The following LAMB3 variants were observed in gnomAD, a reference collection of about 807,000 sequenced individuals.
LAMB3 encodes the protein laminin subunit beta 3.
Under a neutral mutation model 140.3 loss-of-function variants are expected in LAMB3, and 104 were observed. The ratio of observed to expected loss-of-function variants is 0.74; its 90% CI spans 0.63 to 0.87. The LOEUF is 0.87. Among genes scored for constraint, LAMB3 ranks in the 40% least tolerant of loss-of-function variants. The probability of loss-of-function intolerance (pLI) is 0.00; values close to 1 mark genes in which losing one functional copy is unlikely to be tolerated. For missense variants in LAMB3, 1,531 were observed against 1,575.2 expected (o/e 0.97, Z 0.47); for synonymous variants, 592 against 602.9 (o/e 0.98, Z 0.26).
Position 209,617,468 on chromosome 1 carries a change from G to C in LAMB3, c.3170C>G (p.Ala1057Gly). 2.5e-6 allele frequency: 4 copies of C among 1,613,612 alleles called. No individual in the cohort carries two copies. The highest frequency in any genetic ancestry group is 3.4e-6 in the Non-Finnish European group (4 of 1,180,050). The change falls in exon 21 of 23, where the codon GCA becomes GGA. Residue 1057 changes from alanine (A) to glycine (G), a missense_variant. Coordinates refer to ENST00000356082, the MANE Select transcript of LAMB3 (RefSeq NM_000228.3). ...RHQARQQGAEAVQAQQLAEGA... is the reference protein window; with the variant it reads ...RHQARQQGAEGVQAQQLAEGA... ...TTCCGCAAGCTGCTGGGCCTGGACT[G>C]CCTCTGCCCCCTGCTGCCGGGCTTG...
chr1:209,632,059 C>A (rs1399558347), intron 8 of LAMB3, among the ~76,000 whole-genome samples: 1 of 152,216 alleles, frequency 6.6e-6, no homozygotes, highest in Non-Finnish European at 1.5e-5. Context: ...GTCTCAAACC[C>A]CATCCCTGCT....
At chr1:209,632,211 C>T (rs1425070150) in intron 8 of LAMB3, among the ~76,000 whole-genome samples, 1 of 152,168 alleles carries the variant, frequency 6.6e-6, no homozygotes, top group Admixed American at 6.5e-5. Flanking sequence ...ATTCGAGTCA[C>T]CTGGGAGCTT....
chr1:209,623,418 GC>G lies in LAMB3; in HGVS notation c.2358+86del, dbSNP rs773565422. The stretch of plus-strand genomic sequence containing the variant: ...GTGGGGTTCTCACAGGGGCAGATCT[GC>G]CCTAATAGGAAGCAGGTGGCAGCAG... On this transcript the variant is annotated intron_variant, in intron 16 of 22. Transcript: ENST00000356082. This position sits in a 1 kb window ranked among gnomAD's most constrained non-coding sequence, Gnocchi z 4.2. 1 of 1,332,392 alleles carries G rather than the reference GC, an allele frequency of 7.5e-7. No individual in the cohort carries two copies. Among genetic ancestry groups the G allele is most frequent in the Admixed American group, 1.7e-5 (1 of 58,722 alleles). The allele number at this position is 1,332,392 out of a possible 1,614,324, so 82.5% of individuals were successfully genotyped here.
At position 209,650,927 on chromosome 1, in the gene LAMB3, G is replaced by C. The variant is rs2102467698; in HGVS notation, c.18C>G (p.Leu6=). Residue 6 remains leucine (L), a synonymous_variant, in exon 2 of 23, where the codon CTC becomes CTG. Transcript: ENST00000356082. The part of the protein sequence containing the change: MRPFF[L]LCFALPGLLH... The stretch of plus-strand genomic sequence containing the variant: ...GGAAGGGGTACTTACCAAAACACAA[G>C]AGGAAGAATGGTCTCATCTTCAGCC... 1 of 1,614,182 alleles carries C rather than the reference G, an allele frequency of 6.2e-7. No individual in the cohort carries two copies. The highest frequency in any genetic ancestry group is 8.5e-7 in the Non-Finnish European group (1 of 1,180,004).
intron 10 of LAMB3, 85 bp from the exon 11 acceptor site, chr1:209,628,275 A>T: frequency 6.9e-7 from 1 of 1,456,330 alleles, no homozygotes. Flanking sequence ...GCCTGGTTCA[A>T]ATCCTTGTTC....
chr1:209,617,425 T>G lies in LAMB3; in HGVS notation c.3213A>C (p.Ala1071=). The change falls in exon 21 of 23, where the codon GCA becomes GCC. Residue 1071 remains alanine, a synonymous_variant. Transcript: ENST00000356082. ...TTCTCTGTACCTCTTGGGCACTCAA[T>G]GCCTGCTCGCTGGCACCTTCCGCAA... ...QQLAEGASEQ[A]LSAQEGFERI... 1 of 1,612,760 alleles carries G rather than the reference T, an allele frequency of 6.2e-7. No individual in the cohort carries two copies. Among genetic ancestry groups the G allele is most frequent in the Non-Finnish European group, 8.5e-7 (1 of 1,180,038 alleles).
At chr1:209,637,057 C>G (rs1666918556) in intron 5 of LAMB3, among the ~76,000 whole-genome samples, 1 of 152,218 alleles carries the variant, frequency 6.6e-6, no homozygotes. Context: ...AGTGAGGAGA[C>G]TATTTAACAC....
intron 9 of LAMB3, among the ~76,000 whole-genome samples, chr1:209,630,223 C>A (rs2102429642): frequency 6.6e-6 from 1 of 152,310 alleles, no homozygotes; most frequent in Non-Finnish European, 1.5e-5. Context: ...CCAACCCTCC[C>A]ACTGCCAACA....
At chr1:209,630,496 A>G (rs954536820) in intron 9 of LAMB3, 119 bp downstream of exon 9, 1 of 1,143,652 alleles carries the variant, frequency 8.7e-7, no homozygotes, top group Non-Finnish European at 1.3e-6. Context: ...GGTGCAATTC[A>G]GTTTAGATTT....
Position 209,615,169 on chromosome 1 carries a change from G to A in LAMB3, c.*102C>T, listed in dbSNP as rs2566. On this transcript the variant is annotated 3_prime_UTR_variant, in exon 23 of 23. Coordinates refer to ENST00000356082, the MANE Select transcript of LAMB3 (RefSeq NM_000228.3). The stretch of plus-strand genomic sequence containing the variant: ...GGTGGTCCAGGCTGTACTTTAGGCT[G>A]CATGAAAGTCTCCTGGAGATGGAAA... The A allele has an allele frequency of 0.28, 408,751 of 1,486,242 alleles. 57,455 individuals carry two copies. The highest frequency in any genetic ancestry group is 0.4 in the Admixed American group (23,366 of 58,948). The allele number at this position is 1,486,242 out of a possible 1,614,324, so 92.1% of individuals were successfully genotyped here. A position where few individuals can be genotyped will look rare whatever the true frequency, so the allele number is the denominator to read the frequency against.
intron 9 of LAMB3, 28 bp from the exon 10 acceptor site, chr1:209,629,953 A>G (rs1367448097): frequency 6.2e-7 from 1 of 1,607,716 alleles, no homozygotes; most frequent in Admixed American, 1.7e-5. Context: ...CAGGGCTGAC[A>G]TCTGACCCAC....
chr1:209,630,475 TGAATTG>T, intron 9 of LAMB3, 134 bp downstream of exon 9: 1 of 987,296 alleles, frequency 1.0e-6, no homozygotes. Context: ...CAGGAGAGCT[TGAATTG>T]TAATGGTGCA....
In LAMB3 at chr1:209,626,151, G is replaced by A. The variant is rs551179555; in HGVS notation, c.1598-125C>T. The A allele has an allele frequency of 7.0e-5, 74 of 1,062,694 alleles. No individual in the cohort carries two copies. In the Admixed American group the frequency reaches 1.3e-3, roughly 19 times the overall value. The allele number at this position is 1,062,694 out of a possible 1,614,324, so 65.8% of individuals were successfully genotyped here. A position where few individuals can be genotyped will look rare whatever the true frequency, so the allele number is the denominator to read the frequency against. On this transcript the variant is annotated intron_variant, in intron 13 of 22. Transcript: ENST00000356082. The stretch of plus-strand genomic sequence containing the variant: ...TACATGACTTAGAATAACAGAAGTC[G>A]CAGCCAGAATAAAAGCCATGGTAAC...
At chr1:209,629,691 G>C (rs201464669) in intron 10 of LAMB3, 46 bp downstream of exon 10, 261 of 1,561,892 alleles carry the variant, frequency 1.7e-4, no homozygotes, top group Non-Finnish European at 2.2e-4. Context: ...AGGAGATGGG[G>C]AGTAACAGAC....
chr1:209,629,621 A>C (rs1666599898), intron 10 of LAMB3, 116 bp downstream of exon 10: 3 of 994,196 alleles, frequency 3.0e-6, no homozygotes. Context: ...CTCACAGCCA[A>C]GTTTTCATGC....
rs894284443 is a variant in LAMB3, at chr1:209,623,692, T to C, written c.2171A>G (p.Gln724Arg). 6.2e-7 allele frequency: 1 copy of C among 1,614,022 alleles called. No homozygotes were observed. The highest frequency in any genetic ancestry group is 1.3e-5 in the African/African-American group (1 of 74,946). The change falls in exon 16 of 23, where the codon CAG (glutamine) becomes CGG (arginine). Residue 724 changes from glutamine (Q) to arginine (R), a missense_variant. Gln to Arg is a conservative substitution (Grantham distance 43). Coordinates refer to ENST00000356082, the MANE Select transcript of LAMB3 (RefSeq NM_000228.3). This position sits in a 1 kb window ranked among gnomAD's most constrained non-coding sequence, Gnocchi z 4.2. ...AFRMLSTAYEQSAQAAQQVSD... is the reference protein window; with the variant it reads ...AFRMLSTAYERSAQAAQQVSD... ...GACCTGCTGAGCAGCCTGGGCTGAC[T>C]GCTCGTAGGCTGTGCTCAGCATCCG...
At chr1:209,650,208 CA>C in intron 2 of LAMB3, 90 bp from the exon 3 acceptor site, 2 of 1,304,842 alleles carry the variant, frequency 1.5e-6, no homozygotes, top group Non-Finnish European at 1.1e-6. Flanking sequence ...CTGACATTAG[CA>C]AGATTATATC....
chr1:209,617,540 G>A lies in LAMB3; in HGVS notation c.3098C>T (p.Thr1033Ile), dbSNP rs2102405032. The A allele has an allele frequency of 1.2e-6, 2 of 1,614,090 alleles. No homozygotes were observed. Among genetic ancestry groups the A allele is most frequent in the Non-Finnish European group, 1.7e-6 (2 of 1,180,036 alleles). The change falls in exon 21 of 23, where the codon ACC (threonine) becomes ATC (isoleucine). Residue 1033 changes from threonine (T) to isoleucine (I), a missense_variant. Physicochemically the swap from Thr to Ile is moderately conservative, Grantham distance 89. Transcript: ENST00000356082. Reference sequence around the variant, plus strand: ...TGTCCAGAAGTCACCCAGCTGCTTGGTCATGCTTGTCACCAGCTTTTCTGC... The same window carrying A: ...TGTCCAGAAGTCACCCAGCTGCTTGATCATGCTTGTCACCAGCTTTTCTGC... The part of the protein sequence containing the change: ...RPAEKLVTSM[T>I]KQLGDFWTRM...
chr1:209,623,322 AC>A lies in LAMB3; in HGVS notation c.2359-144del. On this transcript the variant is annotated intron_variant, in intron 16 of 22. Transcript: ENST00000356082. This position sits in a 1 kb window ranked among gnomAD's most constrained non-coding sequence, Gnocchi z 4.2. Reference sequence around the variant, plus strand: ...CCAGACATCTCCATGAGAGCTAAGGACCAGAAACTGGTTTCCTTGGCAACCA... The same window carrying A: ...CCAGACATCTCCATGAGAGCTAAGGACAGAAACTGGTTTCCTTGGCAACCA... 9.7e-7 allele frequency: 1 copy of A among 1,034,844 alleles called. No homozygotes were observed. The highest frequency in any genetic ancestry group is 1.5e-6 in the Non-Finnish European group (1 of 674,450). 64.1% of individuals were successfully genotyped at this position (1,034,844 alleles called of 1,614,324 possible). A position where few individuals can be genotyped will look rare whatever the true frequency, so the allele number is the denominator to read the frequency against.
Sources: gnomAD v4.1 joint callset for allele counts (sites outside exome capture counted in the v4.1 genomes callset) on GRCh38, gnomAD v4.1.1 for gene constraint, Gnocchi (gnomAD v3.1) non-coding constraint, MANE v1.5 for transcripts, NCBI Gene and HGNC (gene_info 2026-07-23, HGNC 2026-07-21) for gene names.